The following ATP2B1 variants were observed in gnomAD, a reference collection of about 807,000 sequenced individuals.
ATP2B1 encodes the protein ATPase plasma membrane Ca2+ transporting 1.
In ATP2B1, 14 loss-of-function variants were observed where a neutral mutation model predicts 124.2. That is an observed-to-expected ratio of 0.11 (90% CI 0.07 to 0.18). The LOEUF is 0.18. Ranked by LOEUF, ATP2B1 falls within the 10% of genes least tolerant of loss-of-function variation. The pLI is 1.00. For synonymous variants in ATP2B1, 449 were observed against 492.4 expected, an observed-to-expected ratio of 0.91 and a Z score of 1.17; for missense variants, 763 against 1,466.1, an observed-to-expected ratio of 0.52 and a Z score of 7.83.
intron 1 of ATP2B1, among the ~76,000 whole-genome samples, chr12:89,695,405 T>C (rs1010074614): frequency 2.6e-5 from 4 of 152,094 alleles, no homozygotes; most frequent in African/African-American, 4.8e-5. Context: ...CTAGCAATCA[T>C]ATAAATATTT....
chr12:89,678,711 A>T (rs1433382555), intron 1 of ATP2B1, among the ~76,000 whole-genome samples: 1 of 152,202 alleles, frequency 6.6e-6, no homozygotes, highest in African/African-American at 2.4e-5. Context: ...ATACTGCCAG[A>T]AAGGCTCAAT....
chr12:89,608,741 A>G (rs1877438751), intron 15 of ATP2B1, among the ~76,000 whole-genome samples: 1 of 152,210 alleles, frequency 6.6e-6, no homozygotes. Flanking sequence ...AAATAGCAAT[A>G]AGAATCCTGC....
rs1592677477 is a variant in ATP2B1 at position 89,588,358 on chromosome 12, C to G, written c.*2626G>C. 1 of 152,362 alleles carries G rather than the reference C, an allele frequency of 6.6e-6. No homozygotes were observed. The highest frequency in any genetic ancestry group is 1.5e-5 in the Non-Finnish European group (1 of 67,986). 9.4% of individuals were successfully genotyped at this position (152,362 alleles called of 1,614,324 possible). ...CAAGGAGTAACTCATCTTCAAAGTG[C>G]AAGTAAGTCTATTTACAACCACAAA... is the stretch of plus-strand genomic sequence containing the variant. On this transcript the variant is annotated 3_prime_UTR_variant, in exon 21 of 21. Transcript: ENST00000428670.
chr12:89,673,493 C>G (rs1888239955), intron 1 of ATP2B1, among the ~76,000 whole-genome samples: 1 of 152,014 alleles, frequency 6.6e-6, no homozygotes, highest in African/African-American at 2.4e-5. Context: ...CTTTCTATTC[C>G]CTCTAAACCA....
Position 89,599,402 on chromosome 12 carries a change from A to G in ATP2B1, c.3169-103T>C. On this transcript the variant is annotated intron_variant, in intron 19 of 20. Coordinates refer to ENST00000428670, the MANE Select transcript of ATP2B1 (RefSeq NM_001366521.1). ...TTAAAAGTGGTGAGAGTATCCGACT[A>G]TCTTTACCAATGAAGTAATGGGATC... is the stretch of plus-strand genomic sequence containing the variant. 3 of 1,218,496 alleles carry G rather than the reference A, an allele frequency of 2.5e-6. 1 individual carries two copies. Among genetic ancestry groups the G allele is most frequent in the East Asian group, 4.9e-5 (2 of 40,624 alleles). The allele number at this position is 1,218,496 out of a possible 1,614,324, so 75.5% of individuals were successfully genotyped here.
chr12:89,617,616 C>G (rs913265100), intron 11 of ATP2B1, among the ~76,000 whole-genome samples: 1 of 152,110 alleles, frequency 6.6e-6, no homozygotes, highest in Non-Finnish European at 1.5e-5. Context: ...GAATAAAAAT[C>G]ATACTATATA....
At chr12:89,602,087 T>C (rs1270929513) in intron 18 of ATP2B1, among the ~76,000 whole-genome samples, 1 of 152,202 alleles carries the variant, frequency 6.6e-6, no homozygotes, top group Non-Finnish European at 1.5e-5. Context: ...ACAGTGCTTA[T>C]GTTTTGCTTG....
intron 1 of ATP2B1, among the ~76,000 whole-genome samples, chr12:89,666,266 C>T (rs1428958351): frequency 2.0e-5 from 3 of 152,136 alleles, no homozygotes; most frequent in African/African-American, 7.2e-5. Flanking sequence ...TGAACTGTAG[C>T]CCACTCCATC....
chr12:89,699,812 A>G (rs1190803290), intron 1 of ATP2B1, among the ~76,000 whole-genome samples: 1 of 152,140 alleles, frequency 6.6e-6, no homozygotes, highest in Admixed American at 6.6e-5. Context: ...AATTATGTAC[A>G]TAAAAACAGT....
intron 15 of ATP2B1, among the ~76,000 whole-genome samples, chr12:89,608,808 T>C (rs1368150622): frequency 6.6e-6 from 1 of 152,208 alleles, no homozygotes; most frequent in East Asian, 1.9e-4. Flanking sequence ...ATGAGCCTGT[T>C]TGCCTACAGC....
intron 1 of ATP2B1, among the ~76,000 whole-genome samples, chr12:89,678,605 A>T (rs557668005): frequency 2.0e-5 from 3 of 152,202 alleles, no homozygotes; most frequent in Non-Finnish European, 4.4e-5. Flanking sequence ...CTTCAAGACT[A>T]AGGATATGCC....
chr12:89,699,991 CACG>C (rs1233385525), intron 1 of ATP2B1, among the ~76,000 whole-genome samples: 1 of 150,890 alleles, frequency 6.6e-6, no homozygotes, highest in Non-Finnish European at 1.5e-5. Context: ...ACTACAGGTA[CACG>C]ACACCATGCC....
intron 10 of ATP2B1, 65 bp downstream of exon 10, chr12:89,621,484 T>C: frequency 7.8e-7 from 1 of 1,276,978 alleles, no homozygotes; most frequent in Non-Finnish European, 1.0e-6. Flanking sequence ...GTCTGAAGAC[T>C]TACATATAGT....
chr12:89,643,606 C>T (rs952458317), intron 2 of ATP2B1, among the ~76,000 whole-genome samples: 1 of 152,182 alleles, frequency 6.6e-6, no homozygotes, highest in Admixed American at 6.5e-5. Context: ...GAGGTTAAGA[C>T]AGAGCTAGTT....
chr12:89,665,894 T>C (rs943722685), intron 1 of ATP2B1, among the ~76,000 whole-genome samples: 6 of 152,228 alleles, frequency 3.9e-5, no homozygotes, highest in Non-Finnish European at 5.9e-5. Flanking sequence ...TTGGCAATAT[T>C]GAGGGAGGCA....
chr12:89,592,882 A>G (rs929056547), intron 20 of ATP2B1, among the ~76,000 whole-genome samples: 1 of 152,044 alleles, frequency 6.6e-6, no homozygotes. Flanking sequence ...GCAGGGGCCT[A>G]AAGTCCTGCA....
Position 89,634,965 on chromosome 12 carries a change from T to C in ATP2B1, c.661+32A>G, listed in dbSNP as rs748463910. The C allele has an allele frequency of 1.9e-5, 30 of 1,611,530 alleles. No individual in the cohort carries two copies. The South Asian group carries it at 3.1e-4, about 17-fold the overall frequency. ...AAGATTACAGTAATTTTATGTTTAG[T>C]GTCAGATGTACTGCTCTTTTTACTT... On this transcript the variant is annotated intron_variant, in intron 4 of 20. Coordinates refer to ENST00000428670, the MANE Select transcript of ATP2B1 (RefSeq NM_001366521.1).
Position 89,625,831 on chromosome 12 carries a change from C to A in ATP2B1, c.1129+623G>T, listed in dbSNP as rs78859352. On this transcript the variant is annotated intron_variant, in intron 8 of 20. Coordinates refer to ENST00000428670, the MANE Select transcript of ATP2B1 (RefSeq NM_001366521.1). ...CAAAAACGTCACTTTTTCCATCATA[C>A]TCCTAGAGAGCAGTAAAATGATGCA... is the stretch of plus-strand genomic sequence containing the variant. 2.5e-3 allele frequency among the ~76,000 whole-genome samples: 386 copies of A among 152,182 alleles called. 2 individuals are homozygous for A. Among genetic ancestry groups the A allele is most frequent in the African/African-American group, 8.9e-3 (368 of 41,524 alleles).
intron 1 of ATP2B1, among the ~76,000 whole-genome samples, chr12:89,695,185 A>C (rs1043308518): frequency 6.6e-6 from 1 of 152,210 alleles, no homozygotes; most frequent in Non-Finnish European, 1.5e-5. Context: ...AGCTGGAAAC[A>C]ATATACCCCT....
Sources: allele counts gnomAD v4.1 joint callset (sites outside exome capture counted in the v4.1 genomes callset), GRCh38; gene constraint gnomAD v4.1.1; transcripts MANE v1.5; gene names NCBI Gene and HGNC (gene_info 2026-07-23, HGNC 2026-07-21).